DNAAF11: variants seen among roughly 807,000 people sequenced by gnomAD.
The protein encoded by DNAAF11 is dynein axonemal assembly factor 11, also known as leucine rich repeat containing 6.
A neutral mutation model predicts 60.8 loss-of-function variants in DNAAF11; 45 were observed. The ratio of observed to expected loss-of-function variants is 0.74; its 90% confidence interval spans 0.58 to 0.95. DNAAF11 has a LOEUF of 0.95. Ranked by LOEUF, DNAAF11 falls within the 40% of genes least tolerant of loss-of-function variation. DNAAF11 has a pLI of 0.00. For missense variants in DNAAF11, 546 were observed against 546.2 expected (o/e 1.00, Z 0.00); for synonymous variants, 191 against 183.5 (o/e 1.04, Z -0.33).
chr8:132,650,480 C>T (rs1407202168), intron 3 of DNAAF11, among the ~76,000 whole-genome samples: 1 of 151,980 alleles, frequency 6.6e-6, no homozygotes, highest in African/African-American at 2.4e-5. Flanking sequence ...AACAAACCTG[C>T]ACATTGTGCA....
chr8:132,686,587 G>C, the DNAAF11 span, among the ~76,000 whole-genome samples: 4 of 152,158 alleles, frequency 2.6e-5, no homozygotes, highest in African/African-American at 9.7e-5. Context: ...GCTGGGAGGA[G>C]TGAGAGCAAG....
At chr8:132,609,215 T>TAA (rs57948817) in intron 10 of DNAAF11, among the ~76,000 whole-genome samples, 1 of 151,970 alleles carries the variant, frequency 6.6e-6, no homozygotes, top group Admixed American at 6.6e-5. Flanking sequence ...AAGTCTCCAA[T>TAA]AAAAAATGGC....
At chr8:132,671,441 A>G (rs1273514937) in intron 1 of DNAAF11, among the ~76,000 whole-genome samples, 1 of 152,202 alleles carries the variant, frequency 6.6e-6, no homozygotes, top group African/African-American at 2.4e-5. Context: ...AATATTGTTA[A>G]GATACTCATT....
At chr8:132,615,799 T>C (rs1586588506) in intron 7 of DNAAF11, among the ~76,000 whole-genome samples, 1 of 152,330 alleles carries the variant, frequency 6.6e-6, no homozygotes, top group Non-Finnish European at 1.5e-5. Flanking sequence ...ACTATCAGAA[T>C]TGCCTGGTCA....
chr8:132,582,363 T>G (rs1815430047), intron 11 of DNAAF11, among the ~76,000 whole-genome samples: 1 of 152,208 alleles, frequency 6.6e-6, no homozygotes. Context: ...ACATCTTGAA[T>G]CCTCAAGTGT....
intron 7 of DNAAF11, among the ~76,000 whole-genome samples, chr8:132,617,343 A>G (rs1156877974): frequency 2.0e-5 from 3 of 152,196 alleles, no homozygotes; most frequent in Admixed American, 6.5e-5. Flanking sequence ...ATGAGCAGTC[A>G]GTAAGATAGA....
At chr8:132,643,490 G>T in intron 3 of DNAAF11, 1 of 370,348 alleles carries the variant, frequency 2.7e-6, no homozygotes, top group South Asian at 2.0e-5. Context: ...GGGAGCAAGT[G>T]TAATATCCTC....
intron 10 of DNAAF11, among the ~76,000 whole-genome samples, chr8:132,597,622 G>T (rs1394279090): frequency 6.6e-6 from 1 of 152,216 alleles, no homozygotes. Context: ...TGGTCTGGGA[G>T]GATGCCAGGC....
chr8:132,697,116 A>G, the DNAAF11 span, among the ~76,000 whole-genome samples: 1 of 152,220 alleles, frequency 6.6e-6, no homozygotes. Context: ...TGTCCAGAAT[A>G]GGCAATTTTA....
At chr8:132,638,242 G>A in intron 3 of DNAAF11, 135 bp from the exon 4 acceptor site, 1 of 636,548 alleles carries the variant, frequency 1.6e-6, no homozygotes, top group Non-Finnish European at 2.7e-6. Context: ...TGCTCACCAT[G>A]AAGTGATTCT....
intron 11 of DNAAF11, among the ~76,000 whole-genome samples, chr8:132,582,071 C>T (rs1021308363): frequency 2.0e-5 from 3 of 152,206 alleles, no homozygotes; most frequent in East Asian, 1.9e-4. Context: ...TCCCGGTGGA[C>T]GGCTGCATCT....
rs111771782 is a variant in DNAAF11 at position 132,647,840 on chromosome 8, A to G, written c.256+8990T>C. On this transcript the variant is annotated intron_variant, in intron 3 of 11. Coordinates refer to ENST00000620350, the MANE Select transcript of DNAAF11 (RefSeq NM_012472.6). ...AGAAGTTGAATCCCTGAATAGACCA[A>G]TAACAGGCTCTGAAATTGAGGCAGT... Among the ~76,000 whole-genome samples, 284 of 152,344 alleles carry G rather than the reference A, an allele frequency of 1.9e-3. 2 individuals carry two copies. The highest frequency in any genetic ancestry group is 6.5e-3 in the African/African-American group (270 of 41,576).
intron 10 of DNAAF11, among the ~76,000 whole-genome samples, chr8:132,597,936 G>A (rs1255627378): frequency 6.6e-6 from 1 of 152,142 alleles, no homozygotes; most frequent in Non-Finnish European, 1.5e-5. Flanking sequence ...TTATTTTAGA[G>A]TAGAAATATT....
At chr8:132,691,692 C>A in the DNAAF11 span, among the ~76,000 whole-genome samples, 1 of 152,042 alleles carries the variant, frequency 6.6e-6, no homozygotes. Flanking sequence ...TTTATGAAAC[C>A]ATCAGATCTG....
At chr8:132,630,600 T>A (rs1414394674) in intron 5 of DNAAF11, among the ~76,000 whole-genome samples, 1 of 152,176 alleles carries the variant, frequency 6.6e-6, no homozygotes, top group Non-Finnish European at 1.5e-5. Context: ...AGTCACAGAC[T>A]GGTAGAAGAC....
intron 10 of DNAAF11, among the ~76,000 whole-genome samples, chr8:132,609,003 C>T (rs1282612067): frequency 6.6e-6 from 1 of 152,174 alleles, no homozygotes; most frequent in Non-Finnish European, 1.5e-5. Flanking sequence ...GACATTCCCT[C>T]ATTCTACTCT....
chr8:132,661,423 G>A (rs1223729454), intron 2 of DNAAF11, 37 bp downstream of exon 2: 6 of 1,531,800 alleles, frequency 3.9e-6, no homozygotes, highest in Non-Finnish European at 4.5e-6. Context: ...CATTCACAAT[G>A]TTCAAGAAAC....
At chr8:132,599,136 C>G (rs1817328484) in intron 10 of DNAAF11, among the ~76,000 whole-genome samples, 1 of 152,108 alleles carries the variant, frequency 6.6e-6, no homozygotes, top group Admixed American at 6.5e-5. Context: ...TCAGAGAATA[C>G]TATAAACACC....
chr8:132,689,798 A>G, the DNAAF11 span, among the ~76,000 whole-genome samples: 1 of 152,050 alleles, frequency 6.6e-6, no homozygotes, highest in Admixed American at 6.6e-5. Flanking sequence ...GTCATGGTTC[A>G]CTATAGCCTT....
Sources: gnomAD v4.1 joint callset for allele counts (sites outside exome capture counted in the v4.1 genomes callset) on GRCh38, gnomAD v4.1.1 for gene constraint, MANE v1.5 for transcripts, NCBI Gene and HGNC (gene_info 2026-07-23, HGNC 2026-07-21) for gene names.